Variants in GLIS3 observed in about 807,000 individuals in gnomAD.
The protein encoded by GLIS3 is zinc finger protein GLIS3.
A neutral mutation model predicts 78.6 loss-of-function variants in GLIS3; 53 were observed. The ratio of observed to expected loss-of-function variants is 0.67; its 90% CI spans 0.54 to 0.85. The LOEUF (loss-of-function observed/expected upper bound fraction) is 0.85, where lower values mean the gene tolerates loss of function less well. Among genes scored for constraint, GLIS3 ranks in the 40% least tolerant of loss-of-function variants. GLIS3 has a pLI of 0.00. For missense variants in GLIS3, 1,703 were observed against 1,231.1 expected (o/e 1.38, Z -5.74); for synonymous variants, 684 against 509.9 (o/e 1.34, Z -4.60).
At chr9:4,165,974 T>C (rs1000949718) in intron 2 of GLIS3, among the ~76,000 whole-genome samples, 2 of 151,870 alleles carry the variant, frequency 1.3e-5, no homozygotes, top group African/African-American at 4.8e-5. Context: ...GGGAGCTGGG[T>C]GGAAGGGGAA....
At chr9:4,198,427 C>T (rs1819063030) in intron 2 of GLIS3, among the ~76,000 whole-genome samples, 1 of 151,186 alleles carries the variant, frequency 6.6e-6, no homozygotes, top group Admixed American at 6.6e-5. Flanking sequence ...AAAATTTCAT[C>T]AATAGACTGA....
upstream of GLIS3, among the ~76,000 whole-genome samples, chr9:4,348,896 A>G (rs911764107): frequency 6.6e-6 from 1 of 152,214 alleles, no homozygotes; most frequent in Non-Finnish European, 1.5e-5. Flanking sequence ...TGTAGAGTAA[A>G]ATTATGGATG....
intron 2 of GLIS3, among the ~76,000 whole-genome samples, chr9:4,141,998 G>A (rs1235373521): frequency 6.6e-6 from 1 of 152,168 alleles, no homozygotes; most frequent in Non-Finnish European, 1.5e-5. Context: ...TTTCATCTCT[G>A]CACCTTGTAG....
chr9:4,267,809 G>C (rs188432246), intron 2 of GLIS3, among the ~76,000 whole-genome samples: 1 of 152,266 alleles, frequency 6.6e-6, no homozygotes, highest in Non-Finnish European at 1.5e-5. Flanking sequence ...TTAGTGCCAA[G>C]AATGAGTTTT....
intron 5 of GLIS3, among the ~76,000 whole-genome samples, chr9:3,935,308 G>A (rs117208623): frequency 0.019 from 2,886 of 152,090 alleles, 66 homozygotes; most frequent in Non-Finnish European, 0.028. Flanking sequence ...AGGAAAAAAT[G>A]ATGCTTTAAA....
chr9:4,044,679 A>G (rs763738242), intron 4 of GLIS3, among the ~76,000 whole-genome samples: 2 of 152,198 alleles, frequency 1.3e-5, no homozygotes, highest in Non-Finnish European at 2.9e-5. Flanking sequence ...TACCTCAGAA[A>G]GAGGTCATGG....
At chr9:3,988,602 C>T (rs1389950381) in intron 4 of GLIS3, among the ~76,000 whole-genome samples, 5 of 152,044 alleles carry the variant, frequency 3.3e-5, no homozygotes, top group Non-Finnish European at 5.9e-5. Context: ...GACAGGCCCA[C>T]ATAAATTCCT....
At chr9:3,884,697 T>G (rs1821955038) in intron 7 of GLIS3, among the ~76,000 whole-genome samples, 2 of 152,116 alleles carry the variant, frequency 1.3e-5, no homozygotes, top group African/African-American at 4.8e-5. Context: ...ATTTCCCCAG[T>G]TTGCTGATGA....
chr9:4,040,295 C>A (rs527879), intron 4 of GLIS3, among the ~76,000 whole-genome samples: 24,581 of 115,430 alleles, frequency 0.21, 3,241 homozygotes, highest in African/African-American at 0.39. Context: ...GTAAAAAAAA[C>A]AAAAAACAAA....
chr9:4,233,582 T>C (rs1822461235), intron 2 of GLIS3, among the ~76,000 whole-genome samples: 1 of 152,216 alleles, frequency 6.6e-6, no homozygotes, highest in Non-Finnish European at 1.5e-5. Context: ...CAGGCTTTGT[T>C]GTTCCATTTA....
At chr9:3,828,951 A>G (rs919773629) in intron 10 of GLIS3, among the ~76,000 whole-genome samples, 1 of 152,146 alleles carries the variant, frequency 6.6e-6, no homozygotes, top group African/African-American at 2.4e-5. Context: ...ATTGGAAACT[A>G]TTTAATATAT....
chr9:4,406,199 A>G, the GLIS3 span, among the ~76,000 whole-genome samples: 10 of 152,286 alleles, frequency 6.6e-5, no homozygotes, highest in East Asian at 1.2e-3. Flanking sequence ...CAATTATTCA[A>G]CGTAGTACTG....
the GLIS3 span, among the ~76,000 whole-genome samples, chr9:4,366,612 G>A: frequency 6.6e-6 from 1 of 152,200 alleles, no homozygotes; most frequent in Non-Finnish European, 1.5e-5. Context: ...GAACACAAAC[G>A]TTTTCCTGTA....
intron 8 of GLIS3, among the ~76,000 whole-genome samples, chr9:3,866,058 C>G (rs916014624): frequency 2.0e-5 from 3 of 152,146 alleles, no homozygotes; most frequent in Admixed American, 1.3e-4. Flanking sequence ...GAACAATTGC[C>G]TGCTCTGGGA....
At chr9:3,968,378 A>G (rs1818119169) in intron 4 of GLIS3, among the ~76,000 whole-genome samples, 1 of 152,226 alleles carries the variant, frequency 6.6e-6, no homozygotes, top group Non-Finnish European at 1.5e-5. Flanking sequence ...TAATACAGAA[A>G]GCATATCAGT....
the GLIS3 span, among the ~76,000 whole-genome samples, chr9:4,412,887 T>C: frequency 1.3e-5 from 2 of 152,154 alleles, no homozygotes; most frequent in Non-Finnish European, 2.9e-5. Flanking sequence ...GCATCCAGAG[T>C]TACCTTAGAA....
chr9:4,141,356 G>T (rs67648867), intron 2 of GLIS3, among the ~76,000 whole-genome samples: 9 of 152,068 alleles, frequency 5.9e-5, no homozygotes, highest in Non-Finnish European at 1.2e-4. Context: ...CCAGACCTTC[G>T]GGCCTGGGCT....
At chr9:4,336,587 G>A (rs1410242019) in intron 2 of GLIS3, among the ~76,000 whole-genome samples, 2 of 152,202 alleles carry the variant, frequency 1.3e-5, no homozygotes, top group Non-Finnish European at 2.9e-5. Context: ...AGGAAAGTAA[G>A]ACTCAGGAAG....
intron 2 of GLIS3, among the ~76,000 whole-genome samples, chr9:4,138,154 T>C (rs1169888794): frequency 6.6e-6 from 1 of 152,206 alleles, no homozygotes; most frequent in Non-Finnish European, 1.5e-5. Flanking sequence ...TGGACACATC[T>C]GTGAAAATAT....
Sources: allele counts gnomAD v4.1 joint callset (sites outside exome capture counted in the v4.1 genomes callset), GRCh38; gene constraint gnomAD v4.1.1; transcripts MANE v1.5; gene names NCBI Gene and HGNC (gene_info 2026-07-23, HGNC 2026-07-21).